Variants in MAN1B1 observed in about 807,000 individuals in gnomAD.
The protein encoded by MAN1B1 is mannosidase alpha class 1B member 1.
In MAN1B1, 66 loss-of-function variants were observed where a neutral mutation model predicts 75.5. That is an observed-to-expected ratio of 0.87 (90% CI 0.72 to 1.07). The LOEUF (loss-of-function observed/expected upper bound fraction) is 1.07, where lower values mean the gene tolerates loss of function less well. MAN1B1 is among the 50% of genes least tolerant of loss of function. The pLI is 0.00. For missense variants in MAN1B1, 973 were observed against 912.5 expected (o/e 1.07, Z -0.85); for synonymous variants, 453 against 382.8 (o/e 1.18, Z -2.14).
intron 5 of MAN1B1, among the ~76,000 whole-genome samples, chr9:137,099,038 G>A (rs1032544843): frequency 1.1e-4 from 17 of 152,212 alleles, no homozygotes; most frequent in Admixed American, 7.2e-4. Flanking sequence ...CGATGTTGGC[G>A]AGGCTGGTCT....
intron 3 of MAN1B1, chr9:137,089,247 C>T (rs1830459577): frequency 1.6e-5 from 9 of 559,684 alleles, no homozygotes; most frequent in Non-Finnish European, 1.3e-5. Flanking sequence ...TTGAATAAGA[C>T]AGACCTGTTT....
Position 137,088,079 on chromosome 9 carries a change from G to A in MAN1B1, c.224G>A (p.Trp75Ter), listed in dbSNP as rs1830422250. 5 of 1,613,398 alleles carry A rather than the reference G, an allele frequency of 3.1e-6. No homozygotes were observed. The highest frequency in any genetic ancestry group is 4.2e-6 in the Non-Finnish European group (5 of 1,179,332). ...SWRRRSCWRK[W>*]KQLSRLQRNM... ...CATTCTCTGTACCTCCCTTAGAAAT[G>A]GAAGCAACTGTCGAGATTGCAGCGG... is the stretch of plus-strand genomic sequence containing the variant. The change falls in exon 2 of 13, where the codon TGG (tryptophan) becomes TAG (stop). Residue 75 changes from tryptophan to a stop codon, truncating the protein, a stop_gained. Coordinates refer to ENST00000371589, the MANE Select transcript of MAN1B1 (RefSeq NM_016219.5). LOFTEE classifies it high-confidence loss of function.
rs34355967 is a variant in MAN1B1, at chr9:137,108,423, C to A, written c.1932C>A (p.Val644=). The A allele has an allele frequency of 5.0e-6, 8 of 1,613,720 alleles. No homozygotes were observed. In the East Asian group the frequency reaches 1.6e-4, roughly 31 times the overall value. Residue 644 remains valine (V), a synonymous_variant, in exon 13 of 13, where the codon GTC becomes GTA. Coordinates refer to ENST00000371589, the MANE Select transcript of MAN1B1 (RefSeq NM_016219.5). The part of the protein sequence containing the change: ...PSGGYSSINN[V]QDPQKPEPRD... ...GTGGCTATTCTTCCATCAACAATGT[C>A]CAGGATCCTCAGAAGCCCGAGCCTA...
intron 8 of MAN1B1, chr9:137,102,898 G>A: frequency 2.3e-6 from 1 of 426,446 alleles, no homozygotes; most frequent in Non-Finnish European, 4.6e-6. Context: ...AGGCGTGCAG[G>A]TCAGTGGTGT....
At chr9:137,089,140 T>A in intron 3 of MAN1B1, 135 bp downstream of exon 3, 1 of 1,144,130 alleles carries the variant, frequency 8.7e-7, no homozygotes, top group Non-Finnish European at 1.3e-6. Context: ...TTTGGACTGG[T>A]CGGATAATAC....
chr9:137,088,370 G>T, intron 2 of MAN1B1, 187 bp downstream of exon 2: 1 of 1,589,210 alleles, frequency 6.3e-7, no homozygotes, highest in Non-Finnish European at 8.5e-7. Context: ...TTAATTTGAT[G>T]CTGTCTGACT....
chr9:137,105,751 A>G (rs1227743189), intron 8 of MAN1B1: 1 of 416,416 alleles, frequency 2.4e-6, no homozygotes, highest in East Asian at 6.4e-5. Flanking sequence ...GAAGGCAGGC[A>G]CACTTGCCGT....
intron 2 of MAN1B1, chr9:137,088,428 T>C (rs368215767): frequency 5.2e-6 from 8 of 1,552,494 alleles, no homozygotes; most frequent in Non-Finnish European, 6.1e-6. Context: ...GCCTCCCTTA[T>C]AGAGTAAGTC....
chr9:137,087,006 G>A lies in MAN1B1; in HGVS notation c.7G>A (p.Ala3Thr), dbSNP rs573766677. The change falls in exon 1 of 13, where the codon GCC becomes ACC. Residue 3 changes from alanine (A) to threonine (T), a missense_variant. Ala to Thr is a moderately conservative substitution (Grantham distance 58). Coordinates refer to ENST00000371589, the MANE Select transcript of MAN1B1 (RefSeq NM_016219.5). The part of the protein sequence containing the change: MA[A>T]CEGRRSGALG... ...GGCTGTTGACGGCGCTGCGATGGCT[G>A]CCTGCGAGGGCAGGAGAAGCGGAGC... 1.3e-6 allele frequency: 2 copies of A among 1,594,820 alleles called. No individual in the cohort carries two copies. The highest frequency in any genetic ancestry group is 1.8e-5 in the Admixed American group (1 of 56,754).
At chr9:137,108,003 G>A (rs1831180774) in intron 12 of MAN1B1, 1 of 620,218 alleles carries the variant, frequency 1.6e-6, no homozygotes, top group East Asian at 2.7e-5. Flanking sequence ...TCCCCACTGT[G>A]GACCAGGCCC....
intron 5 of MAN1B1, among the ~76,000 whole-genome samples, 183 bp from the exon 6 acceptor site, chr9:137,099,513 G>A (rs951469406): frequency 6.6e-6 from 1 of 152,240 alleles, no homozygotes; most frequent in Admixed American, 6.5e-5. Context: ...TGTTCTCCCT[G>A]GGGGCTGCTG....
chr9:137,091,945 A>G (rs1267795471), intron 3 of MAN1B1, among the ~76,000 whole-genome samples: 1 of 152,216 alleles, frequency 6.6e-6, no homozygotes, highest in South Asian at 2.1e-4. Flanking sequence ...GGCATAAGAC[A>G]CCACACCTGT....
chr9:137,096,543 A>C, intron 4 of MAN1B1, 152 bp downstream of exon 4: 3 of 1,158,674 alleles, frequency 2.6e-6, no homozygotes, highest in Non-Finnish European at 3.8e-6. Context: ...TAGATTACAG[A>C]ATCGAATTTT....
intron 3 of MAN1B1, 124 bp from the exon 4 acceptor site, chr9:137,096,113 A>T: frequency 9.7e-7 from 1 of 1,025,766 alleles, no homozygotes; most frequent in Non-Finnish European, 1.5e-6. Context: ...AACGAAAGTA[A>T]TTTAGTCAGA....
chr9:137,106,899 C>T, intron 10 of MAN1B1, 90 bp downstream of exon 10: 3 of 1,437,324 alleles, frequency 2.1e-6, no homozygotes, highest in South Asian at 2.5e-5. Context: ...GAACGAAATC[C>T]TGGCCATGGC....
In MAN1B1 at chr9:137,107,514, C is replaced by T. The variant is rs569907992; in HGVS notation, c.1765-17C>T. The T allele has an allele frequency of 2.9e-4, 467 of 1,613,006 alleles. 10 individuals carry two copies. The South Asian group carries it at 4.7e-3, about 16-fold the overall frequency. ...CTGGCAGGGCTGGCCTTGCCCTGAG[C>T]TCTGCTCCGCCCACAGCCAGCAGAC... On this transcript the variant is annotated splice_polypyrimidine_tract_variant and intron_variant, in intron 11 of 12. Coordinates refer to ENST00000371589, the MANE Select transcript of MAN1B1 (RefSeq NM_016219.5).
At chr9:137,099,000 T>C (rs1390116183) in intron 5 of MAN1B1, among the ~76,000 whole-genome samples, 2 of 152,182 alleles carry the variant, frequency 1.3e-5, no homozygotes, top group African/African-American at 4.8e-5. Flanking sequence ...TGGCTAATTT[T>C]TGTATTTTTA....
chr9:137,089,234 G>T, intron 3 of MAN1B1: 1 of 599,270 alleles, frequency 1.7e-6, no homozygotes. Flanking sequence ...TGACTGTGCA[G>T]TGTTGAATAA....
At chr9:137,099,674 T>G in intron 5 of MAN1B1, 22 bp from the exon 6 acceptor site, 1 of 1,613,768 alleles carries the variant, frequency 6.2e-7, no homozygotes. Flanking sequence ...CGCCATGGCC[T>G]GTGCTCTCTC....
Sources: gnomAD v4.1 joint callset for allele counts (sites outside exome capture counted in the v4.1 genomes callset) on GRCh38, gnomAD v4.1.1 for gene constraint, MANE v1.5 for transcripts, NCBI Gene and HGNC (gene_info 2026-07-23, HGNC 2026-07-21) for gene names.